Variants in COL27A1 observed in about 807,000 individuals in gnomAD.
COL27A1 encodes the protein collagen alpha-1(XXVII) chain.
Under a neutral mutation model 251.3 loss-of-function variants are expected in COL27A1, and 106 were observed. That is an observed-to-expected ratio of 0.42 (90% CI 0.36 to 0.50). COL27A1 has a LOEUF of 0.50. Among genes scored for constraint, COL27A1 ranks in the 20% least tolerant of loss-of-function variants. The pLI is 0.00. For missense variants in COL27A1, 2,325 were observed against 2,522.8 expected (o/e 0.92, Z 1.68); for synonymous variants, 1,000 against 986.3 (o/e 1.01, Z -0.26).
intron 14 of COL27A1, among the ~76,000 whole-genome samples, chr9:114,229,156 C>T (rs888877009): frequency 7.9e-4 from 121 of 152,340 alleles, no homozygotes; most frequent in African/African-American, 2.8e-3. Context: ...AGCAAAGGCT[C>T]AGCTGGGAGG....
At chr9:114,162,589 T>A in intron 1 of COL27A1, 126 bp from the exon 2 acceptor site, 1 of 704,802 alleles carries the variant, frequency 1.4e-6, no homozygotes, top group East Asian at 2.5e-5. Flanking sequence ...GTACCTGGCC[T>A]CCTGCCTCCC....
chr9:114,196,620 G>A (rs1253463125), intron 7 of COL27A1, among the ~76,000 whole-genome samples: 2 of 152,162 alleles, frequency 1.3e-5, no homozygotes, highest in African/African-American at 2.4e-5. Flanking sequence ...TGCGGCCCTC[G>A]CTGATGCTCT....
At chr9:114,261,985 A>G (rs1343121059) in intron 28 of COL27A1, among the ~76,000 whole-genome samples, 1 of 152,184 alleles carries the variant, frequency 6.6e-6, no homozygotes, top group Non-Finnish European at 1.5e-5. Flanking sequence ...ACAAGGTGCT[A>G]TGGGCTTCAG....
At chr9:114,274,367 T>C (rs1002705141) in intron 36 of COL27A1, 2 of 152,246 alleles carry the variant, frequency 1.3e-5, no homozygotes, top group Admixed American at 6.5e-5. Flanking sequence ...AGGATCCTGC[T>C]TCAAAGTCCA....
chr9:114,156,498 C>A (rs1363186976), intron 1 of COL27A1, among the ~76,000 whole-genome samples: 1 of 152,040 alleles, frequency 6.6e-6, no homozygotes. Context: ...CTCCTGTCTC[C>A]GTGTCTGTGT....
intron 24 of COL27A1, among the ~76,000 whole-genome samples, chr9:114,250,162 C>G (rs571785881): frequency 1.3e-5 from 2 of 152,242 alleles, no homozygotes; most frequent in African/African-American, 4.8e-5. Flanking sequence ...TCCGCCTCCC[C>G]GATTCCAATC....
chr9:114,175,129 G>C (rs181157093), intron 3 of COL27A1, among the ~76,000 whole-genome samples: 1 of 36,456 alleles, frequency 2.7e-5, no homozygotes, highest in Non-Finnish European at 5.3e-5. Flanking sequence ...TCAGAGGCCA[G>C]GACCCTTGGG....
intron 37 of COL27A1, among the ~76,000 whole-genome samples, chr9:114,278,253 G>A (rs1469988345): frequency 6.8e-6 from 1 of 147,542 alleles, no homozygotes; most frequent in Non-Finnish European, 1.5e-5. Flanking sequence ...TGATGGTGTT[G>A]GTGGTGGTGA....
At chr9:114,246,846 G>A (rs993439721) in intron 24 of COL27A1, among the ~76,000 whole-genome samples, 3 of 151,766 alleles carry the variant, frequency 2.0e-5, no homozygotes, top group Non-Finnish European at 2.9e-5. Flanking sequence ...AGGCTGCCGC[G>A]GCCTGGATAT....
chr9:114,268,803 G>C (rs1171002405), intron 34 of COL27A1: 1 of 157,852 alleles, frequency 6.3e-6, no homozygotes, highest in African/African-American at 2.4e-5. Flanking sequence ...GGGCATGGTG[G>C]CGCATGCCTG....
chr9:114,207,934 C>A (rs1830076723), intron 10 of COL27A1, among the ~76,000 whole-genome samples: 1 of 152,172 alleles, frequency 6.6e-6, no homozygotes, highest in Non-Finnish European at 1.5e-5. Context: ...GGCTTCTTGG[C>A]CTTCCAGGGA....
intron 56 of COL27A1, among the ~76,000 whole-genome samples, chr9:114,302,976 C>G (rs529701816): frequency 2.0e-4 from 31 of 152,256 alleles, no homozygotes; most frequent in African/African-American, 7.5e-4. Context: ...TCATTCAGAA[C>G]CTCTGCTCTC....
chr9:114,155,089 CTGGGAGCGCAAACTTTTG>C (rs746413519), upstream of COL27A1, among the ~76,000 whole-genome samples: 4,869 of 152,168 alleles, frequency 0.032, 105 homozygotes, highest in Middle Eastern at 0.061. This position sits in a 1 kb window ranked among gnomAD's most constrained non-coding sequence, Gnocchi z 5.5. Context: ...CGCTCCGAGT[CTGGGAGCGCAAACTTTTG>C]GTGGGCGGTG....
In COL27A1 at chr9:114,260,283, G is replaced by A. The variant is rs1834226668; in HGVS notation, c.3195+1689G>A. On this transcript the variant is annotated intron_variant, in intron 28 of 60. Transcript: ENST00000356083. The stretch of plus-strand genomic sequence containing the variant: ...CAGTGTCTCCCGGGCTGGGAGGGGA[G>A]CATCAGGAACATGAGCCCCTCTCCC... Among the ~76,000 whole-genome samples, 4 of 152,224 alleles carry A rather than the reference G, an allele frequency of 2.6e-5. No homozygotes were observed. In the South Asian group the frequency reaches 8.3e-4, roughly 32 times the overall value.
In COL27A1 at chr9:114,183,052, C is replaced by A. The variant is rs1364075999; in HGVS notation, c.1993C>A (p.Leu665Ile). 2.5e-6 allele frequency: 4 copies of A among 1,613,334 alleles called. No individual in the cohort carries two copies. Among genetic ancestry groups the A allele is most frequent in the Non-Finnish European group, 3.4e-6 (4 of 1,179,944 alleles). Reference protein sequence around the residue: ...GPPGPYGNPGLPGPPGAKGQK... With the variant: ...GPPGPYGNPGIPGPPGAKGQK... ...TCCTGGGCCTTATGGAAATCCAGGT[C>A]TCCCCGGCCCTCCTGGAGCCAAAGT... Residue 665 changes from leucine to isoleucine, a missense_variant, in exon 5 of 61, where the codon CTC (leucine) becomes ATC (isoleucine). Physicochemically the swap from Leu to Ile is conservative, Grantham distance 5 (BLOSUM62 2). Transcript: ENST00000356083.
intron 49 of COL27A1, among the ~76,000 whole-genome samples, chr9:114,298,263 G>T (rs1828386836): frequency 6.6e-6 from 1 of 152,108 alleles, no homozygotes; most frequent in Admixed American, 6.5e-5. Flanking sequence ...TGGTTAAGAT[G>T]GCTATACTTA....
intron 33 of COL27A1, among the ~76,000 whole-genome samples, 168 bp downstream of exon 33, chr9:114,266,786 G>T (rs1834773649): frequency 6.6e-6 from 1 of 152,198 alleles, no homozygotes; most frequent in Non-Finnish European, 1.5e-5. Flanking sequence ...AGAGAGGGTA[G>T]ATCCATCCTG....
rs769916193 is a variant in COL27A1 at position 114,295,666 on chromosome 9, G to GT, written c.4584+3464dup. Among the ~76,000 whole-genome samples, 437 of 150,988 alleles carry GT rather than the reference G, an allele frequency of 2.9e-3. 2 individuals are homozygous for GT. Among genetic ancestry groups the GT allele is most frequent in the African/African-American group, 9.8e-3 (402 of 41,176 alleles). ...ACAACTGGTTTTTTTTTGTTTTTTT[G>GT]TTTTTTTTGAGATGGAGTTTCACTC... On this transcript the variant is annotated intron_variant, in intron 49 of 60. Transcript: ENST00000356083.
At chr9:114,265,164 G>C in intron 31 of COL27A1, 54 bp downstream of exon 31, 2 of 525,272 alleles carry the variant, frequency 3.8e-6, no homozygotes, top group Non-Finnish European at 7.3e-6. Context: ...ATGGGGGTGG[G>C]GGGCGGGTGC....
Sources: gnomAD v4.1 joint callset for allele counts (sites outside exome capture counted in the v4.1 genomes callset) on GRCh38, gnomAD v4.1.1 for gene constraint, Gnocchi (gnomAD v3.1) non-coding constraint, MANE v1.5 for transcripts, NCBI Gene and HGNC (gene_info 2026-07-23, HGNC 2026-07-21) for gene names.